The following ADK variants were observed in gnomAD, a reference collection of about 807,000 sequenced individuals.
The protein encoded by ADK is adenosine kinase, also known as N6,N6-dimethyladenosine kinase.
ADK carries 24 observed loss-of-function variants against 44.7 expected under a neutral mutation model. The ratio of observed to expected loss-of-function variants is 0.54; its 90% CI spans 0.39 to 0.76. ADK has a LOEUF of 0.76. Among genes scored for constraint, ADK ranks in the 30% least tolerant of loss-of-function variants. The probability of loss-of-function intolerance (pLI) is 0.00; values close to 1 mark genes in which losing one functional copy is unlikely to be tolerated. For missense variants in ADK, 321 were observed against 425.1 expected (o/e 0.76, Z 2.15); for synonymous variants, 128 against 142.6 (o/e 0.90, Z 0.73).
chr10:74,642,013 T>A (rs1043476913), intron 9 of ADK, among the ~76,000 whole-genome samples: 2 of 152,204 alleles, frequency 1.3e-5, no homozygotes, highest in African/African-American at 4.8e-5. Flanking sequence ...TTATTTGCCT[T>A]TTTGACTCTC....
intron 1 of ADK, among the ~76,000 whole-genome samples, chr10:74,198,352 A>T (rs2132142522): frequency 6.6e-6 from 1 of 152,374 alleles, no homozygotes; most frequent in Admixed American, 6.5e-5. Flanking sequence ...AGCTTTCTTT[A>T]AATAGAAAAG....
intron 4 of ADK, among the ~76,000 whole-genome samples, chr10:74,367,097 T>G (rs971230997): frequency 1.3e-5 from 2 of 152,166 alleles, no homozygotes; most frequent in Non-Finnish European, 2.9e-5. Context: ...AAAAATTTGC[T>G]ATAGAAAGCA....
rs1409043218 is a variant in ADK, at chr10:74,618,475, G to A, written c.877+17982G>A. ...CCAGCTAGTTTTTGTGTTTTTATTAGAGACAGTTTTGCCATGTTGGCCAGG... is the reference window on the plus strand; with the variant it reads ...CCAGCTAGTTTTTGTGTTTTTATTAAAGACAGTTTTGCCATGTTGGCCAGG... On this transcript the variant is annotated intron_variant, in intron 9 of 10. Coordinates refer to ENST00000539909, the MANE Select transcript of ADK (RefSeq NM_006721.4). Among the ~76,000 whole-genome samples, 14 of 152,170 alleles carry A rather than the reference G, an allele frequency of 9.2e-5. No homozygotes were observed. In the East Asian group the frequency reaches 2.5e-3, roughly 27 times the overall value.
At chr10:74,159,962 T>G (rs1841846135) in intron 1 of ADK, among the ~76,000 whole-genome samples, 1 of 152,226 alleles carries the variant, frequency 6.6e-6, no homozygotes, top group Non-Finnish European at 1.5e-5. Flanking sequence ...AGATTCAATT[T>G]ATCTCTCACG....
intron 6 of ADK, among the ~76,000 whole-genome samples, chr10:74,485,588 C>T (rs1051399729): frequency 4.6e-5 from 7 of 151,906 alleles, no homozygotes; most frequent in African/African-American, 1.7e-4. Flanking sequence ...ATTTTAAAGT[C>T]TAAAAATTTC....
intron 7 of ADK, among the ~76,000 whole-genome samples, chr10:74,531,724 G>T (rs540084046): frequency 6.6e-6 from 1 of 152,158 alleles, no homozygotes; most frequent in South Asian, 2.1e-4. Flanking sequence ...TAGAGAGGAG[G>T]TCTCGTTTTG....
At position 74,525,354 on chromosome 10, in the gene ADK, T is replaced by C; in HGVS notation, c.654T>C (p.Phe218=). 4 of 1,613,728 alleles carry C rather than the reference T, an allele frequency of 2.5e-6. No individual in the cohort carries two copies. Among genetic ancestry groups the C allele is most frequent in the African/African-American group, 1.3e-5 (1 of 75,030 alleles). The part of the protein sequence containing the change: ...RIFTLNLSAP[F]ISQFYKESLM... ...TCACTTTGAATCTATCTGCACCGTTTATTAGCCAGTTCTACAAGGAATCAT... is the reference window on the plus strand; with the variant it reads ...TCACTTTGAATCTATCTGCACCGTTCATTAGCCAGTTCTACAAGGAATCAT... The change falls in exon 7 of 11, where the codon TTT becomes TTC. Residue 218 remains phenylalanine (F), a synonymous_variant. Coordinates refer to ENST00000539909, the MANE Select transcript of ADK (RefSeq NM_006721.4).
intron 8 of ADK, among the ~76,000 whole-genome samples, chr10:74,596,951 A>G (rs1387878414): frequency 6.6e-6 from 1 of 152,194 alleles, no homozygotes; most frequent in Non-Finnish European, 1.5e-5. Context: ...TTTAATGAGC[A>G]CTTTAGAGCT....
Position 74,650,765 on chromosome 10 carries a change from G to T in ADK, c.878-19418G>T, listed in dbSNP as rs1462114151. Among the ~76,000 whole-genome samples, 4 of 152,150 alleles carry T rather than the reference G, an allele frequency of 2.6e-5. No homozygotes were observed. The South Asian group carries it at 8.3e-4, about 32-fold the overall frequency. ...ATATCATGCCCAGTTTGTATATGGT[G>T]TCTGGGTCATCTGAGGAAGTTAAAA... On this transcript the variant is annotated intron_variant, in intron 9 of 10. Transcript: ENST00000539909.
intron 6 of ADK, among the ~76,000 whole-genome samples, chr10:74,444,363 CTATTAAA>C: frequency 6.6e-6 from 1 of 152,078 alleles, no homozygotes. Context: ...TGTCTGTTTT[CTATTAAA>C]CACATACTTG....
In ADK at chr10:74,337,920, G is replaced by A. The variant is rs11001001; in HGVS notation, c.273+23175G>A. ...TGGGATTACAGGCACCTGCCACCAC[G>A]CTGGGCTACAAATGTATTTAAGAAT... On this transcript the variant is annotated intron_variant, in intron 4 of 10. Coordinates refer to ENST00000539909, the MANE Select transcript of ADK (RefSeq NM_006721.4). Among the ~76,000 whole-genome samples, 1,217 of 151,848 alleles carry A rather than the reference G, an allele frequency of 8.0e-3. 4 individuals carry two copies. Among genetic ancestry groups the A allele is most frequent in the Admixed American group, 0.013 (191 of 15,238 alleles).
intron 3 of ADK, among the ~76,000 whole-genome samples, chr10:74,245,588 G>GTTTT (rs1452811124): frequency 1.2e-5 from 1 of 81,290 alleles, no homozygotes. Context: ...CATAGTTTTT[G>GTTTT]TTTTTGTTTT....
intron 6 of ADK, among the ~76,000 whole-genome samples, chr10:74,416,786 T>G (rs892266103): frequency 2.0e-5 from 3 of 152,014 alleles, no homozygotes; most frequent in Non-Finnish European, 4.4e-5. Flanking sequence ...AAGGTTATTT[T>G]GTATTACAGA....
chr10:74,391,652 TACACACACACACACACAC>T (rs71475280), intron 4 of ADK, among the ~76,000 whole-genome samples: 15 of 74,300 alleles, frequency 2.0e-4, no homozygotes, highest in African/African-American at 4.8e-4. Context: ...GGCAAGAATA[TACACACACACACACACAC>T]ACACACACAC....
chr10:74,473,193 GACACAC>G (rs74890577), intron 6 of ADK, among the ~76,000 whole-genome samples: 88,891 of 149,524 alleles, frequency 0.59, 28,987 homozygotes, highest in Middle Eastern at 0.78. Context: ...TATACACACA[GACACAC>G]ACACACACAC....
intron 3 of ADK, among the ~76,000 whole-genome samples, chr10:74,263,474 C>T (rs958444024): frequency 1.3e-5 from 2 of 152,160 alleles, no homozygotes; most frequent in Non-Finnish European, 2.9e-5. Context: ...TTATGTAGAA[C>T]AAACTAGCAG....
intron 6 of ADK, among the ~76,000 whole-genome samples, chr10:74,483,067 A>G (rs1847131173): frequency 6.6e-6 from 1 of 152,018 alleles, no homozygotes; most frequent in Non-Finnish European, 1.5e-5. Context: ...CCAACCCCAC[A>G]TTTCTCCTTT....
chr10:74,193,136 G>T (rs1843004093), intron 1 of ADK, among the ~76,000 whole-genome samples: 1 of 151,928 alleles, frequency 6.6e-6, no homozygotes, highest in African/African-American at 2.4e-5. Context: ...TTTGTATCTG[G>T]TGATACTCTG....
chr10:74,525,129 T>C, intron 6 of ADK, 127 bp from the exon 7 acceptor site: 4 of 905,050 alleles, frequency 4.4e-6, no homozygotes, highest in Non-Finnish European at 6.9e-6. Context: ...AATGTTGCTA[T>C]TTTCTGCCTT....
Sources: gnomAD v4.1 joint callset for allele counts (sites outside exome capture counted in the v4.1 genomes callset) on GRCh38, gnomAD v4.1.1 for gene constraint, MANE v1.5 for transcripts, NCBI Gene and HGNC (gene_info 2026-07-23, HGNC 2026-07-21) for gene names.